The following LRRK1 variants were observed in gnomAD, a reference collection of about 807,000 sequenced individuals.
The protein encoded by LRRK1 is leucine rich repeat kinase 1.
LRRK1 carries 113 observed loss-of-function variants against 209.1 expected under a neutral mutation model. The observed-to-expected ratio is 0.54, with a 90% CI of 0.46 to 0.63. The LOEUF is 0.63. Among genes scored for constraint, LRRK1 ranks in the 30% least tolerant of loss-of-function variants. LRRK1 has a pLI of 0.00. For synonymous variants in LRRK1, 1,144 were observed against 1,099.7 expected (o/e 1.04, Z -0.80); for missense variants, 2,284 against 2,632.2 (o/e 0.87, Z 2.89).
intron 2 of LRRK1, among the ~76,000 whole-genome samples, chr15:100,941,400 C>CTG (rs1567190942): frequency 1.6e-4 from 13 of 81,766 alleles, no homozygotes; most frequent in South Asian, 3.8e-4. Context: ...CTGTGTGTGT[C>CTG]TGTGTGTGTC....
At chr15:100,971,022 C>G (rs1319664552) in intron 2 of LRRK1, among the ~76,000 whole-genome samples, 1 of 152,038 alleles carries the variant, frequency 6.6e-6, no homozygotes, top group Non-Finnish European at 1.5e-5. Flanking sequence ...GCCAACCGTG[C>G]TATGCATTTA....
intron 2 of LRRK1, among the ~76,000 whole-genome samples, chr15:100,958,899 A>G (rs751662445): frequency 7.2e-5 from 11 of 152,130 alleles, no homozygotes; most frequent in Admixed American, 1.3e-4. Flanking sequence ...CTTCCCTGCC[A>G]ACGTTTTGCA....
intron 2 of LRRK1, among the ~76,000 whole-genome samples, chr15:100,963,131 G>A (rs1016322953): frequency 6.6e-5 from 10 of 151,722 alleles, no homozygotes; most frequent in East Asian, 3.9e-4. Context: ...CCCATTTTGC[G>A]TACTTTTAAA....
At chr15:101,058,617 C>CGT (rs1555479976) in intron 29 of LRRK1, among the ~76,000 whole-genome samples, 1 of 75,340 alleles carries the variant, frequency 1.3e-5, no homozygotes, top group Middle Eastern at 9.1e-3. Context: ...GAAGGGGCAA[C>CGT]GGGGGGGGGC....
chr15:101,000,157 C>A (rs2032618693), intron 6 of LRRK1, among the ~76,000 whole-genome samples: 1 of 152,240 alleles, frequency 6.6e-6, no homozygotes, highest in African/African-American at 2.4e-5. Flanking sequence ...CCTTTCCCTA[C>A]TCCCTGTGGT....
chr15:100,990,653 C>G (rs2032112143), intron 6 of LRRK1, among the ~76,000 whole-genome samples: 2 of 150,328 alleles, frequency 1.3e-5, no homozygotes, highest in South Asian at 4.2e-4. Context: ...TTTATGTGAA[C>G]TGCCTGTTAA....
chr15:100,992,108 T>C (rs1367396689), intron 6 of LRRK1, among the ~76,000 whole-genome samples: 1 of 152,228 alleles, frequency 6.6e-6, no homozygotes, highest in Non-Finnish European at 1.5e-5. Context: ...TCTGTGTTTA[T>C]AGGTGAATTG....
chr15:100,945,463 A>G (rs1000760043), intron 2 of LRRK1, among the ~76,000 whole-genome samples: 1 of 147,604 alleles, frequency 6.8e-6, no homozygotes, highest in Non-Finnish European at 1.5e-5. Context: ...CTTTTTTAAA[A>G]ACTATCTCTG....
chr15:101,043,079 CCAGGATCCAAATCCA>C lies in LRRK1; in HGVS notation c.2964-2883_2964-2869del, dbSNP rs555767798. On this transcript the variant is annotated intron_variant, in intron 20 of 33. Coordinates refer to ENST00000388948, the MANE Select transcript of LRRK1 (RefSeq NM_024652.6). The stretch of plus-strand genomic sequence containing the variant: ...GCTGATATTGGCAATGAAGCTGTAT[CCAGGATCCAAATCCA>C]CAGGATCCAAATCCACAGAATGTTG... Among the ~76,000 whole-genome samples, 117 of 152,354 alleles carry C rather than the reference CCAGGATCCAAATCCA, an allele frequency of 7.7e-4. 4 individuals carry two copies. Among genetic ancestry groups the C allele is most frequent in the East Asian group, 7.5e-3 (39 of 5,184 alleles).
intron 2 of LRRK1, among the ~76,000 whole-genome samples, chr15:100,938,207 T>C (rs1596167958): frequency 6.6e-6 from 1 of 152,080 alleles, no homozygotes; most frequent in Non-Finnish European, 1.5e-5. Context: ...AGTACACAAG[T>C]AGAGAGAATA....
chr15:100,982,765 T>C (rs891979431), intron 3 of LRRK1, among the ~76,000 whole-genome samples: 2 of 152,236 alleles, frequency 1.3e-5, no homozygotes, highest in Non-Finnish European at 2.9e-5. Context: ...TGACTTAACA[T>C]GTACCAAGTG....
chr15:100,971,258 C>T (rs954294343), intron 2 of LRRK1, among the ~76,000 whole-genome samples: 5 of 150,942 alleles, frequency 3.3e-5, no homozygotes, highest in East Asian at 1.9e-4. Context: ...CACTTGAACC[C>T]GGGAGGTGGA....
intron 2 of LRRK1, among the ~76,000 whole-genome samples, chr15:100,966,307 C>T (rs1465531976): frequency 2.0e-5 from 3 of 152,102 alleles, no homozygotes; most frequent in East Asian, 1.9e-4. Context: ...TTTTCTGTGG[C>T]GGTGAGGAGG....
chr15:100,965,229 G>A (rs12907933), intron 2 of LRRK1, among the ~76,000 whole-genome samples: 107,004 of 152,100 alleles, frequency 0.7, 37,980 homozygotes, highest in Middle Eastern at 0.76. Context: ...TGAAACATGA[G>A]TTATGGAAAT....
chr15:100,948,265 G>C (rs1318056590), intron 2 of LRRK1, among the ~76,000 whole-genome samples: 2 of 152,174 alleles, frequency 1.3e-5, no homozygotes, highest in Non-Finnish European at 2.9e-5. Flanking sequence ...TTCCCTGCCT[G>C]CCCAGCACCA....
At chr15:100,942,251 G>T (rs1025353374) in intron 2 of LRRK1, among the ~76,000 whole-genome samples, 3 of 152,184 alleles carry the variant, frequency 2.0e-5, no homozygotes, top group African/African-American at 7.2e-5. Flanking sequence ...TCCACAGCTA[G>T]TCCTATCTGT....
At chr15:101,044,340 G>A (rs1016884260) in intron 20 of LRRK1, among the ~76,000 whole-genome samples, 3 of 152,258 alleles carry the variant, frequency 2.0e-5, no homozygotes, top group African/African-American at 7.2e-5. Flanking sequence ...GGCTGTCTCA[G>A]TGGGGTGGCA....
intron 28 of LRRK1, among the ~76,000 whole-genome samples, chr15:101,057,269 C>T (rs1409343142): frequency 1.3e-5 from 2 of 152,178 alleles, no homozygotes; most frequent in South Asian, 2.1e-4. Flanking sequence ...TTTTCCTCCC[C>T]GACTTTTGTG....
Position 100,978,090 on chromosome 15 carries a change from TA to T in LRRK1, c.261+4132del, listed in dbSNP as rs368818368. Reference sequence around the variant, plus strand: ...AGTACAATACCTGAAATTTTAAAATTAAAAAAAAACTCAATGAATGGGCTCA... The same window carrying T: ...AGTACAATACCTGAAATTTTAAAATTAAAAAAAACTCAATGAATGGGCTCA... On this transcript the variant is annotated intron_variant, in intron 3 of 33. Transcript: ENST00000388948. Among the ~76,000 whole-genome samples the T allele has an allele frequency of 7.9e-3, 1,191 of 151,560 alleles. 16 individuals are homozygous for T. The highest frequency in any genetic ancestry group is 0.028 in the African/African-American group (1,144 of 41,320).
Sources: gnomAD v4.1 joint callset for allele counts (sites outside exome capture counted in the v4.1 genomes callset) on GRCh38, gnomAD v4.1.1 for gene constraint, MANE v1.5 for transcripts, NCBI Gene and HGNC (gene_info 2026-07-23, HGNC 2026-07-21) for gene names.